ZNF492: variants seen among roughly 807,000 people sequenced by gnomAD.
The protein encoded by ZNF492 is zinc finger protein 492.
A neutral mutation model predicts 6.4 loss-of-function variants in ZNF492; 3 were observed. The observed-to-expected ratio is 0.47, with a 90% confidence interval of 0.21 to 1.22. ZNF492 has a LOEUF of 1.22. ZNF492 is among the 50% of genes most tolerant of loss of function. The pLI is 0.22. For missense variants in ZNF492, 356 were observed against 612.5 expected (o/e 0.58, Z 4.42); for synonymous variants, 112 against 205.3 (o/e 0.55, Z 3.89).
At position 22,666,226 on chromosome 19, in the gene ZNF492, G is replaced by GCCC. The variant is rs144715053; in HGVS notation, c.*966_*968dup. ...TTTTTAGATGGAGTCTTGCTCTATCGCCCCCCCAGGCTGGAGTACAGTGGC... is the reference window on the plus strand; with the variant it reads ...TTTTTAGATGGAGTCTTGCTCTATCGCCCCCCCCCCAGGCTGGAGTACAGTGGC... On this transcript the variant is annotated 3_prime_UTR_variant, in exon 4 of 4. Coordinates refer to ENST00000456783, the MANE Select transcript of ZNF492 (RefSeq NM_020855.3). The GCCC allele has an allele frequency of 1.5e-5, 2 of 129,068 alleles. No individual in the cohort carries two copies. The highest frequency in any genetic ancestry group is 5.6e-5 in the African/African-American group (2 of 35,422). 8.0% of individuals were successfully genotyped at this position (129,068 alleles called of 1,614,324 possible). A position where few individuals can be genotyped will look rare whatever the true frequency, so the allele number is the denominator to read the frequency against.
intron 1 of ZNF492, among the ~76,000 whole-genome samples, chr19:22,647,800 G>C (rs1219856710): frequency 7.0e-6 from 1 of 143,682 alleles, no homozygotes; most frequent in African/African-American, 2.8e-5. Flanking sequence ...CGTGATCTTG[G>C]CTTACTGCAA....
chr19:22,649,655 C>G (rs558951472), intron 1 of ZNF492, among the ~76,000 whole-genome samples: 14 of 151,918 alleles, frequency 9.2e-5, no homozygotes, highest in African/African-American at 3.4e-4. Context: ...CTTTTTTTCT[C>G]TAATCTTGTC....
intron 3 of ZNF492, among the ~76,000 whole-genome samples, chr19:22,660,241 G>A (rs183325574): frequency 6.6e-6 from 1 of 152,054 alleles, no homozygotes; most frequent in Non-Finnish European, 1.5e-5. Flanking sequence ...GTCTCGATTT[G>A]AAAGTTAATT....
At position 22,635,163 on chromosome 19, in the gene ZNF492, T is replaced by TA. The variant is rs34868039; in HGVS notation, c.-94+702dup. ...TTGTTTCCCCCAATGTAGTAATTTC[T>TA]AAAAAAAAAAAAATGCATTTGAGTT... On this transcript the variant is annotated intron_variant, in intron 1 of 3. Coordinates refer to ENST00000456783, the MANE Select transcript of ZNF492 (RefSeq NM_020855.3). 4.9e-3 allele frequency among the ~76,000 whole-genome samples: 715 copies of TA among 144,530 alleles called. 5 individuals carry two copies. The highest frequency in any genetic ancestry group is 0.015 in the African/African-American group (592 of 39,670). 94.8% of individuals were successfully genotyped at this position (144,530 alleles called of 152,430 possible). A position where few individuals can be genotyped will look rare whatever the true frequency, so the allele number is the denominator to read the frequency against.
intron 3 of ZNF492, among the ~76,000 whole-genome samples, chr19:22,662,642 G>A (rs1286694006): frequency 1.3e-5 from 2 of 151,074 alleles, no homozygotes; most frequent in Non-Finnish European, 2.9e-5. Flanking sequence ...GGCATGAGAT[G>A]GTATCTCATT....
intron 1 of ZNF492, among the ~76,000 whole-genome samples, chr19:22,640,358 C>T (rs2145243266): frequency 6.6e-6 from 1 of 152,290 alleles, no homozygotes; most frequent in African/African-American, 2.4e-5. Context: ...GACAGGGTTT[C>T]ACCATGTTGG....
chr19:22,656,093 G>T (rs1056389588), intron 3 of ZNF492, among the ~76,000 whole-genome samples: 4 of 143,980 alleles, frequency 2.8e-5, no homozygotes, highest in African/African-American at 1.1e-4. Flanking sequence ...AAAGTTCTGG[G>T]ATTACAGGCA....
intron 1 of ZNF492, among the ~76,000 whole-genome samples, chr19:22,644,470 C>T (rs940840066): frequency 2.6e-5 from 4 of 152,116 alleles, no homozygotes; most frequent in African/African-American, 9.7e-5. Context: ...TGAGTGAGAA[C>T]ATGCGGTTTT....
rs1162966884 is a variant in ZNF492 at position 22,666,059 on chromosome 19, A to C, written c.*794A>C. 1 of 152,102 alleles carries C rather than the reference A, an allele frequency of 6.6e-6. No individual in the cohort carries two copies. The highest frequency in any genetic ancestry group is 2.4e-5 in the African/African-American group (1 of 41,420). 9.4% of individuals were successfully genotyped at this position (152,102 alleles called of 1,614,324 possible). ...TTTAGAAAGATTACAGATTTTTTTT[A>C]AAAGTAAATAACTCTCAAATTACTT... On this transcript the variant is annotated 3_prime_UTR_variant, in exon 4 of 4. Coordinates refer to ENST00000456783, the MANE Select transcript of ZNF492 (RefSeq NM_020855.3).
intron 3 of ZNF492, among the ~76,000 whole-genome samples, chr19:22,663,251 T>C (rs1972076908): frequency 6.6e-6 from 1 of 151,802 alleles, no homozygotes. Context: ...GTTGTAGATG[T>C]GTGGTGTTAT....
At chr19:22,636,000 CTGA>C (rs1409815083) in intron 1 of ZNF492, among the ~76,000 whole-genome samples, 1 of 152,170 alleles carries the variant, frequency 6.6e-6, no homozygotes, top group Non-Finnish European at 1.5e-5. Context: ...GGTACTTTTT[CTGA>C]TCCTCTTTGT....
At position 22,665,560 on chromosome 19, in the gene ZNF492, G is replaced by T. The variant is rs1455730430; in HGVS notation, c.*295G>T. On this transcript the variant is annotated 3_prime_UTR_variant, in exon 4 of 4. Transcript: ENST00000456783. ...AGTTCAAAAAATAAGCATTTAAAGT[G>T]CTGAAGAGGATTTATTTTGAAGACA... 2.5e-5 allele frequency: 9 copies of T among 366,816 alleles called. No individual in the cohort carries two copies. Among genetic ancestry groups the T allele is most frequent in the Non-Finnish European group, 4.2e-5 (9 of 212,218 alleles). The allele number at this position is 366,816 out of a possible 1,614,324, so 22.7% of individuals were successfully genotyped here. A position where few individuals can be genotyped will look rare whatever the true frequency, so the allele number is the denominator to read the frequency against.
rs775391375 is a variant in ZNF492 at position 22,665,022 on chromosome 19, T to C, written c.1353T>C (p.Tyr451=). ...ATACTGGAGAGAAGCCCTACAAATA[T>C]GAAGAATGTGGCAAAGCTTTTAACC... is the stretch of plus-strand genomic sequence containing the variant. The part of the protein sequence containing the change: ...VIHTGEKPYK[Y]EECGKAFNQS... Residue 451 remains tyrosine, a synonymous_variant, in exon 4 of 4, where the codon TAT becomes TAC. Coordinates refer to ENST00000456783, the MANE Select transcript of ZNF492 (RefSeq NM_020855.3). 1.9e-6 allele frequency: 3 copies of C among 1,583,546 alleles called. No individual in the cohort carries two copies. Among genetic ancestry groups the C allele is most frequent in the South Asian group, 1.1e-5 (1 of 89,308 alleles).
chr19:22,658,544 GT>G (rs1972021331), intron 3 of ZNF492, among the ~76,000 whole-genome samples: 1 of 141,510 alleles, frequency 7.1e-6, no homozygotes, highest in Non-Finnish European at 1.5e-5. Context: ...ATACCGTTCT[GT>G]TTTCTGTTTC....
At chr19:22,660,030 A>G (rs1972042078) in intron 3 of ZNF492, among the ~76,000 whole-genome samples, 1 of 152,170 alleles carries the variant, frequency 6.6e-6, no homozygotes, top group Admixed American at 6.6e-5. Context: ...TACATTTTGT[A>G]AAATATGATA....
Position 22,634,485 on chromosome 19 carries a change from C to T in ZNF492, c.-94+11C>T, listed in dbSNP as rs930325307. On this transcript the variant is annotated intron_variant, in intron 1 of 3. Coordinates refer to ENST00000456783, the MANE Select transcript of ZNF492 (RefSeq NM_020855.3). Reference sequence around the variant, plus strand: ...GGAAGCCTAGAAACGGTGAGAGTGCCGGGTCCGACATCCCGAGAGAGGGGA... The same window carrying T: ...GGAAGCCTAGAAACGGTGAGAGTGCTGGGTCCGACATCCCGAGAGAGGGGA... The T allele has an allele frequency of 2.2e-6, 3 of 1,383,730 alleles. No individual in the cohort carries two copies. The highest frequency in any genetic ancestry group is 2.0e-6 in the Non-Finnish European group (2 of 985,520). 85.7% of individuals were successfully genotyped at this position (1,383,730 alleles called of 1,614,324 possible). A position where few individuals can be genotyped will look rare whatever the true frequency, so the allele number is the denominator to read the frequency against.
At chr19:22,652,889 G>A (rs1260443783) in intron 1 of ZNF492, among the ~76,000 whole-genome samples, 1 of 151,952 alleles carries the variant, frequency 6.6e-6, no homozygotes, top group East Asian at 1.9e-4. Flanking sequence ...CAGATTTTCT[G>A]AAAAAATAAT....
At chr19:22,646,971 C>T (rs1479219595) in intron 1 of ZNF492, among the ~76,000 whole-genome samples, 1 of 152,098 alleles carries the variant, frequency 6.6e-6, no homozygotes, top group Non-Finnish European at 1.5e-5. Flanking sequence ...CTCACCGCAA[C>T]CTCCGCCTCC....
At chr19:22,641,548 G>A (rs1032573405) in intron 1 of ZNF492, among the ~76,000 whole-genome samples, 4 of 152,160 alleles carry the variant, frequency 2.6e-5, no homozygotes, top group African/African-American at 9.7e-5. Flanking sequence ...TATGTGCCAC[G>A]TGATGATGAG....
Sources: gnomAD v4.1 joint callset for allele counts (sites outside exome capture counted in the v4.1 genomes callset) on GRCh38, gnomAD v4.1.1 for gene constraint, MANE v1.5 for transcripts, NCBI Gene and HGNC (gene_info 2026-07-23, HGNC 2026-07-21) for gene names.